PRRC1: variants seen among roughly 807,000 people sequenced by gnomAD.
PRRC1 encodes proline rich coiled-coil 1.
In PRRC1, 39 loss-of-function variants were observed where a neutral mutation model predicts 40.7. The observed-to-expected ratio is 0.96, with a 90% confidence interval of 0.74 to 1.25. The LOEUF (loss-of-function observed/expected upper bound fraction) is 1.25. Among genes scored for constraint, PRRC1 ranks in the 50% most tolerant of loss-of-function variants. PRRC1 has a pLI of 0.00. For synonymous variants in PRRC1, 175 were observed against 193.3 expected, an observed-to-expected ratio of 0.91 and a Z score of 0.79; for missense variants, 573 against 548.3, an observed-to-expected ratio of 1.05 and a Z score of -0.45.
intron 1 of PRRC1, among the ~76,000 whole-genome samples, chr5:127,520,566 T>C (rs1767431741): frequency 6.6e-6 from 1 of 152,092 alleles, no homozygotes; most frequent in African/African-American, 2.4e-5. Context: ...CTTCAAAAGG[T>C]TATATGCTGT....
chr5:127,532,504 A>G (rs948236321), intron 5 of PRRC1, among the ~76,000 whole-genome samples: 6 of 152,136 alleles, frequency 3.9e-5, no homozygotes, highest in African/African-American at 1.2e-4. Flanking sequence ...TGGCAGGACT[A>G]CTCATCACAA....
intron 5 of PRRC1, 66 bp from the exon 6 acceptor site, chr5:127,533,557 A>G: frequency 7.7e-7 from 1 of 1,305,018 alleles, no homozygotes; most frequent in African/African-American, 1.5e-5. Flanking sequence ...AGCACCTGGT[A>G]TGGTAGTAAT....
rs530261640 is a variant in PRRC1, at chr5:127,552,305, C to G, written c.*389C>G. On this transcript the variant is annotated 3_prime_UTR_variant, in exon 9 of 9. Coordinates refer to ENST00000296666, the MANE Select transcript of PRRC1 (RefSeq NM_130809.5). ...CATGTTGGTTGAATGTTTATAAAAGCATGATTTGCTTTGGCTTCATCTCTT... is the reference window on the plus strand; with the variant it reads ...CATGTTGGTTGAATGTTTATAAAAGGATGATTTGCTTTGGCTTCATCTCTT... 1.9e-6 allele frequency: 2 copies of G among 1,030,790 alleles called. No individual in the cohort carries two copies. The highest frequency in any genetic ancestry group is 3.4e-5 in the African/African-American group (2 of 58,162). The allele number at this position is 1,030,790 out of a possible 1,614,324, so 63.9% of individuals were successfully genotyped here.
At chr5:127,548,880 A>G (rs931204148) in intron 8 of PRRC1, 18 of 152,172 alleles carry the variant, frequency 1.2e-4, no homozygotes, top group African/African-American at 3.9e-4. Flanking sequence ...CATAAGTTCA[A>G]GAAAACCTTT....
chr5:127,526,543 G>GT, intron 3 of PRRC1, 75 bp from the exon 4 acceptor site: 1 of 1,167,366 alleles, frequency 8.6e-7, no homozygotes, highest in Admixed American at 2.2e-5. Flanking sequence ...TATTAAAGTT[G>GT]TTTGAGCCAC....
chr5:127,551,258 A>G (rs1402091026), intron 8 of PRRC1: 1 of 178,928 alleles, frequency 5.6e-6, no homozygotes, highest in African/African-American at 2.4e-5. Context: ...AGGACTGGAT[A>G]TTACTTGATA....
At chr5:127,551,655 C>T in intron 8 of PRRC1, 52 bp from the exon 9 acceptor site, 1 of 1,539,968 alleles carries the variant, frequency 6.5e-7, no homozygotes, top group Non-Finnish European at 9.0e-7. Flanking sequence ...TAGCTAGTTC[C>T]AATGATATTT....
chr5:127,539,927 G>A (rs1767995544), intron 7 of PRRC1, among the ~76,000 whole-genome samples: 1 of 151,746 alleles, frequency 6.6e-6, no homozygotes, highest in African/African-American at 2.4e-5. Context: ...TTCAGTGGAG[G>A]TAACTCTGTG....
At chr5:127,526,930 A>G (rs151070794) in intron 4 of PRRC1, 152 bp downstream of exon 4, 12,478 of 613,122 alleles carry the variant, frequency 0.02, 169 homozygotes, top group Non-Finnish European at 0.025. Context: ...TCTCTTGCCT[A>G]TGCATATCTG....
Position 127,551,816 on chromosome 5 carries a change from A to C in PRRC1, c.1238A>C (p.His413Pro), listed in dbSNP as rs1303260814. The stretch of plus-strand genomic sequence containing the variant: ...CTGAATGTCAGCCGGACTGATTGGC[A>C]CATGGCATTTACTGGGATGTCCCGT... Reference protein sequence around the residue: ...SLLNVSRTDWHMAFTGMSRRQ... With the variant: ...SLLNVSRTDWPMAFTGMSRRQ... Residue 413 changes from histidine to proline, a missense_variant, in exon 9 of 9, where the codon CAC (histidine) becomes CCC (proline). His to Pro is a moderately conservative substitution (Grantham distance 77). Coordinates refer to ENST00000296666, the MANE Select transcript of PRRC1 (RefSeq NM_130809.5). 1.2e-6 allele frequency: 2 copies of C among 1,614,010 alleles called. No individual in the cohort carries two copies. Among genetic ancestry groups the C allele is most frequent in the African/African-American group, 2.7e-5 (2 of 74,914 alleles).
chr5:127,524,594 A>C lies in PRRC1; in HGVS notation c.167A>C (p.Tyr56Ser), dbSNP rs1267055470. Residue 56 changes from tyrosine to serine, a missense_variant, in exon 3 of 9, where the codon TAC becomes TCC. Physicochemically the swap from Tyr to Ser is moderately radical, Grantham distance 144. Transcript: ENST00000296666. The stretch of plus-strand genomic sequence containing the variant: ...ATGGAGTCCTTCCCACCACTCGCAT[A>C]CTCTACTCCTCAGCCGCCCCTTCCT... ...SSMESFPPLA[Y>S]STPQPPLPPV... 1 of 1,613,826 alleles carries C rather than the reference A, an allele frequency of 6.2e-7. No individual in the cohort carries two copies. The highest frequency in any genetic ancestry group is 1.7e-5 in the Admixed American group (1 of 59,986).
intron 8 of PRRC1, chr5:127,549,283 A>G (rs1285855282): frequency 6.6e-6 from 1 of 152,168 alleles, no homozygotes; most frequent in Non-Finnish European, 1.5e-5. Context: ...CTGTGAGACT[A>G]GCCTCTTTTA....
chr5:127,549,383 T>C (rs1463430002), intron 8 of PRRC1: 9 of 152,188 alleles, frequency 5.9e-5, no homozygotes, highest in Admixed American at 2.6e-4. Flanking sequence ...TAGATGAACA[T>C]TGTATCCTGA....
At chr5:127,535,892 G>A (rs927379838) in intron 6 of PRRC1, among the ~76,000 whole-genome samples, 1 of 152,054 alleles carries the variant, frequency 6.6e-6, no homozygotes, top group East Asian at 1.9e-4. Context: ...TGCTACATAA[G>A]TTTGAGGTGT....
At chr5:127,546,999 G>GT (rs933990181) in intron 7 of PRRC1, among the ~76,000 whole-genome samples, 1 of 151,822 alleles carries the variant, frequency 6.6e-6, no homozygotes, top group Non-Finnish European at 1.5e-5. Flanking sequence ...TTACTTTGTT[G>GT]TTTTTTTGAA....
At chr5:127,549,061 C>T (rs975075509) in intron 8 of PRRC1, 12 of 151,708 alleles carry the variant, frequency 7.9e-5, no homozygotes, top group African/African-American at 2.9e-4. Flanking sequence ...AACCAAATGA[C>T]GTTGTTGCCT....
chr5:127,535,642 A>G (rs537307795), intron 6 of PRRC1, among the ~76,000 whole-genome samples: 1 of 152,310 alleles, frequency 6.6e-6, no homozygotes, highest in African/African-American at 2.4e-5. Flanking sequence ...ACACATTTTC[A>G]TATATGACAT....
intron 7 of PRRC1, among the ~76,000 whole-genome samples, chr5:127,541,764 T>C (rs998176053): frequency 8.6e-5 from 13 of 151,852 alleles, no homozygotes; most frequent in African/African-American, 3.2e-4. Context: ...TTCTTCTCTC[T>C]TTTTTTCTTT....
rs58610392 is a variant in PRRC1 at position 127,518,641 on chromosome 5, C to T, written c.-21+865C>T. On this transcript the variant is annotated intron_variant, in intron 1 of 8. Transcript: ENST00000296666. ...TGGTAGTAGAGACAATCTTGTGGCA[C>T]GAGTAGGTCAGCAATAATTGCTCTT... is the stretch of plus-strand genomic sequence containing the variant. Among the ~76,000 whole-genome samples, 394 of 152,110 alleles carry T rather than the reference C, an allele frequency of 2.6e-3. 4 individuals carry two copies. Among genetic ancestry groups the T allele is most frequent in the African/African-American group, 9.1e-3 (378 of 41,482 alleles).
Sources: gnomAD v4.1 joint callset for allele counts (sites outside exome capture counted in the v4.1 genomes callset) on GRCh38, gnomAD v4.1.1 for gene constraint, MANE v1.5 for transcripts, NCBI Gene and HGNC (gene_info 2026-07-23, HGNC 2026-07-21) for gene names.